The following NAALADL2 variants were observed in gnomAD, a reference collection of about 807,000 sequenced individuals.
The protein encoded by NAALADL2 is inactive N-acetylated-alpha-linked acidic dipeptidase-like protein 2.
Under a neutral mutation model 87.2 loss-of-function variants are expected in NAALADL2, and 76 were observed. The ratio of observed to expected loss-of-function variants is 0.87; its 90% CI spans 0.72 to 1.05. NAALADL2 has a LOEUF of 1.05. Among genes scored for constraint, NAALADL2 ranks in the 50% least tolerant of loss-of-function variants. The pLI, the probability that NAALADL2 is intolerant of heterozygous loss-of-function variation, is 0.00. For synonymous variants in NAALADL2, 354 were observed against 331.0 expected (o/e 1.07, Z -0.75); for missense variants, 1,089 against 945.8 (o/e 1.15, Z -1.99).
intron 2 of NAALADL2, among the ~76,000 whole-genome samples, chr3:174,627,211 T>G (rs1385270072): frequency 6.6e-6 from 1 of 152,116 alleles, no homozygotes; most frequent in Non-Finnish European, 1.5e-5. Context: ...CTGAAAAAAG[T>G]GTTCTCCTAA....
intron 3 of NAALADL2, among the ~76,000 whole-genome samples, chr3:174,764,979 A>G (rs905142358): frequency 6.6e-6 from 1 of 152,324 alleles, no homozygotes; most frequent in Non-Finnish European, 1.5e-5. Flanking sequence ...ATACATGTAC[A>G]TGTTACTTTC....
At chr3:175,435,275 T>G (rs1332932020) in intron 5 of NAALADL2, among the ~76,000 whole-genome samples, 1 of 151,980 alleles carries the variant, frequency 6.6e-6, no homozygotes, top group Non-Finnish European at 1.5e-5. Context: ...CATCATCCAC[T>G]TGAAAATACA....
intron 11 of NAALADL2, among the ~76,000 whole-genome samples, chr3:175,734,795 A>G (rs564170362): frequency 3.9e-5 from 6 of 151,922 alleles, no homozygotes; most frequent in Non-Finnish European, 8.8e-5. Context: ...CCATGAAACT[A>G]TTTTTTCCTC....
At chr3:174,788,587 C>G (rs1484425430) in intron 3 of NAALADL2, among the ~76,000 whole-genome samples, 1 of 152,108 alleles carries the variant, frequency 6.6e-6, no homozygotes, top group Non-Finnish European at 1.5e-5. Flanking sequence ...GTCACACACC[C>G]TAACCACTCC....
At chr3:175,457,953 TA>T (rs1415555931) in intron 6 of NAALADL2, among the ~76,000 whole-genome samples, 1 of 152,156 alleles carries the variant, frequency 6.6e-6, no homozygotes, top group African/African-American at 2.4e-5. Context: ...TTTATATTCA[TA>T]ATAGATTCAA....
At chr3:174,978,439 T>G (rs1233753224) in intron 1 of NAALADL2, among the ~76,000 whole-genome samples, 3 of 152,178 alleles carry the variant, frequency 2.0e-5, no homozygotes, top group African/African-American at 4.8e-5. Context: ...ATAATATAAT[T>G]TATTAAAAGA....
intron 11 of NAALADL2, among the ~76,000 whole-genome samples, chr3:175,659,311 C>T (rs959826006): frequency 6.6e-6 from 1 of 152,086 alleles, no homozygotes; most frequent in Admixed American, 6.6e-5. Context: ...GTTACTATAG[C>T]ATAATTTTTC....
At chr3:174,900,045 A>C (rs1732120060) in intron 1 of NAALADL2, among the ~76,000 whole-genome samples, 1 of 152,142 alleles carries the variant, frequency 6.6e-6, no homozygotes, top group African/African-American at 2.4e-5. Flanking sequence ...TTGGCAAAAC[A>C]AAAATAAAAC....
At chr3:174,458,250 G>T (rs1036946480) in intron 1 of NAALADL2, among the ~76,000 whole-genome samples, 3 of 152,122 alleles carry the variant, frequency 2.0e-5, no homozygotes, top group African/African-American at 4.8e-5. Flanking sequence ...ACATTACATT[G>T]AGTGTCTCTG....
chr3:174,973,659 C>T (rs536102261), intron 1 of NAALADL2, among the ~76,000 whole-genome samples: 19 of 152,234 alleles, frequency 1.2e-4, no homozygotes, highest in African/African-American at 3.4e-4. Context: ...GTGTACTTTC[C>T]GAAACCTAGA....
At position 174,823,024 on chromosome 3, in the gene NAALADL2, G is replaced by A. The variant is rs188831084; in HGVS notation, c.-9+85278G>A. Among the ~76,000 whole-genome samples the A allele has an allele frequency of 3.9e-4, 59 of 152,122 alleles. No homozygotes were observed. In the East Asian group the frequency reaches 8.9e-3, roughly 23 times the overall value. ...TCTTTTCACTTGAATATAATATTTC[G>A]GTATACATTATGAATGTAATCTCTG... On this transcript the variant is annotated intron_variant, in intron 3 of 3. Coordinates refer to the NAALADL2 transcript ENST00000434257.
intron 11 of NAALADL2, among the ~76,000 whole-genome samples, chr3:175,710,688 T>A (rs1055179646): frequency 5.9e-5 from 9 of 151,374 alleles, no homozygotes; most frequent in African/African-American, 2.2e-4. Context: ...TGAGATGTGC[T>A]TATATATGTA....
At chr3:174,864,919 G>T (rs897980255) in intron 1 of NAALADL2, among the ~76,000 whole-genome samples, 2 of 152,012 alleles carry the variant, frequency 1.3e-5, no homozygotes, top group Non-Finnish European at 2.9e-5. Flanking sequence ...AGATTGCAAA[G>T]AAGATGTTAT....
At chr3:175,115,786 G>A (rs1979334) in intron 2 of NAALADL2, among the ~76,000 whole-genome samples, 91,567 of 151,308 alleles carry the variant, frequency 0.61, 28,199 homozygotes, top group African/African-American at 0.73. Flanking sequence ...AGGGGAAAAA[G>A]GAGAATTTTA....
chr3:175,210,815 T>G (rs190165555), intron 2 of NAALADL2, among the ~76,000 whole-genome samples: 2 of 151,842 alleles, frequency 1.3e-5, no homozygotes, highest in East Asian at 3.8e-4. Flanking sequence ...ATTTAAAAAA[T>G]GTTTTAAATT....
chr3:174,741,306 A>G (rs73884706), intron 3 of NAALADL2, among the ~76,000 whole-genome samples: 12,452 of 151,742 alleles, frequency 0.082, 558 homozygotes, highest in Middle Eastern at 0.14. Context: ...CATGAGATTG[A>G]CTTTATTAGG....
intron 3 of NAALADL2, among the ~76,000 whole-genome samples, chr3:175,243,110 A>G (rs1747250780): frequency 7.6e-6 from 1 of 131,740 alleles, no homozygotes; most frequent in Admixed American, 7.6e-5. Context: ...CACACACACT[A>G]TACTCAATTT....
chr3:175,572,900 GA>G (rs11299677), intron 9 of NAALADL2, among the ~76,000 whole-genome samples: 90,028 of 147,038 alleles, frequency 0.61, 29,580 homozygotes, highest in East Asian at 0.84. Flanking sequence ...ACTCTATCTT[GA>G]AAAAAAAAAA....
In NAALADL2 at chr3:175,122,107, T is replaced by G. The variant is rs148240453; in HGVS notation, c.545+24816T>G. 6.6e-5 allele frequency among the ~76,000 whole-genome samples: 10 copies of G among 151,972 alleles called. No individual in the cohort carries two copies. In the East Asian group the frequency reaches 1.9e-3, roughly 30 times the overall value. On this transcript the variant is annotated intron_variant, in intron 2 of 13. Coordinates refer to ENST00000454872, the MANE Select transcript of NAALADL2 (RefSeq NM_207015.3). Reference sequence around the variant, plus strand: ...GACGGTGAATAGGTGGAACATACCTTGTGAATCCCACTTTTACAAAGGATT... The same window carrying G: ...GACGGTGAATAGGTGGAACATACCTGGTGAATCCCACTTTTACAAAGGATT...
Sources: allele counts gnomAD v4.1 joint callset (sites outside exome capture counted in the v4.1 genomes callset), GRCh38; gene constraint gnomAD v4.1.1; transcripts MANE v1.5; gene names NCBI Gene and HGNC (gene_info 2026-07-23, HGNC 2026-07-21).